Variants in TGS1 observed in about 807,000 individuals in gnomAD.
The protein encoded by TGS1 is trimethylguanosine synthase 1.
Under a neutral mutation model 92.2 loss-of-function variants are expected in TGS1, and 69 were observed. That is an observed-to-expected ratio of 0.75 (90% confidence interval 0.62 to 0.91). The LOEUF (loss-of-function observed/expected upper bound fraction) is 0.91. TGS1 is among the 40% of genes least tolerant of loss of function. The pLI is 0.00. For synonymous variants in TGS1, 345 were observed against 338.1 expected, an observed-to-expected ratio of 1.02 and a Z score of -0.22; for missense variants, 1,062 against 1,001.2, an observed-to-expected ratio of 1.06 and a Z score of -0.82.
intron 4 of TGS1, among the ~76,000 whole-genome samples, chr8:55,789,857 G>A (rs1476689832): frequency 6.6e-6 from 1 of 152,180 alleles, no homozygotes; most frequent in African/African-American, 2.4e-5. Flanking sequence ...CCAAAACTGT[G>A]CTTGATACAA....
Position 55,789,061 on chromosome 8 carries a change from T to G in TGS1, c.1163-1121T>G, listed in dbSNP as rs191092264. On this transcript the variant is annotated intron_variant, in intron 4 of 12. Coordinates refer to ENST00000260129, the MANE Select transcript of TGS1 (RefSeq NM_024831.8). ...TCTGCCATCAGGATGAATTTGAGGG[T>G]TTTAGATTTTGATTTGTTTTAGATC... Among the ~76,000 whole-genome samples the G allele has an allele frequency of 1.8e-3, 280 of 152,286 alleles. 1 individual carries two copies. The highest frequency in any genetic ancestry group is 6.8e-3 in the Middle Eastern group (2 of 294).
At chr8:55,822,560 TTC>T (rs1563473742) in intron 12 of TGS1, among the ~76,000 whole-genome samples, 1 of 140,634 alleles carries the variant, frequency 7.1e-6, no homozygotes, top group African/African-American at 2.8e-5. Context: ...TTTTTTTTTT[TTC>T]CCCCTTTCTT....
At chr8:55,814,812 T>C (rs1221173281) in intron 12 of TGS1, among the ~76,000 whole-genome samples, 1 of 149,054 alleles carries the variant, frequency 6.7e-6, no homozygotes, top group Non-Finnish European at 1.5e-5. Flanking sequence ...CACTCCAGCC[T>C]GGGTGACAGA....
chr8:55,797,481 T>C (rs1812092590), intron 7 of TGS1, among the ~76,000 whole-genome samples: 1 of 152,222 alleles, frequency 6.6e-6, no homozygotes, highest in Admixed American at 6.5e-5. Context: ...TACAGCTTTA[T>C]ATTATAAGCT....
In TGS1 at chr8:55,807,874, T is replaced by G. The variant is rs77275937; in HGVS notation, c.2143+2838T>G. 5.0e-3 allele frequency among the ~76,000 whole-genome samples: 765 copies of G among 152,320 alleles called. 15 individuals are homozygous for G. The East Asian group carries it at 0.079, about 16-fold the overall frequency. Reference sequence around the variant, plus strand: ...AGTTTTCATTCTGAAGATGCATATTTTTAAATATCTTCATATTATACCTAT... The same window carrying G: ...AGTTTTCATTCTGAAGATGCATATTGTTAAATATCTTCATATTATACCTAT... On this transcript the variant is annotated intron_variant, in intron 10 of 12. Coordinates refer to ENST00000260129, the MANE Select transcript of TGS1 (RefSeq NM_024831.8).
At chr8:55,793,602 CTG>C (rs1443773095) in intron 6 of TGS1, among the ~76,000 whole-genome samples, 2 of 152,116 alleles carry the variant, frequency 1.3e-5, no homozygotes, top group African/African-American at 4.8e-5. Flanking sequence ...GAGTCTCACT[CTG>C]TCACCCAGGT....
At chr8:55,802,387 T>C in intron 8 of TGS1, 70 bp from the exon 9 acceptor site, 1 of 1,306,912 alleles carries the variant, frequency 7.7e-7, no homozygotes, top group South Asian at 1.3e-5. Context: ...GGCTTCATTT[T>C]TAGATAAACT....
At position 55,802,466 on chromosome 8, in the gene TGS1, AAAAG is replaced by A; in HGVS notation, c.1862_1865del (p.Lys621ArgfsTer10). The A allele has an allele frequency of 6.2e-7, 1 of 1,613,420 alleles. No individual in the cohort carries two copies. The highest frequency in any genetic ancestry group is 1.1e-5 in the South Asian group (1 of 90,894). ...TTGTATTTTATTTTAGCTGAAGTGA[AAAAG>A]AAGAAGAACAAGAAGAAGAACAAAA... On this transcript the variant is annotated frameshift_variant, in exon 9 of 13. Coordinates refer to ENST00000260129, the MANE Select transcript of TGS1 (RefSeq NM_024831.8). LOFTEE classifies it high-confidence loss of function.
intron 9 of TGS1, among the ~76,000 whole-genome samples, chr8:55,804,234 A>T (rs758916700): frequency 2.0e-5 from 3 of 152,194 alleles, no homozygotes; most frequent in Non-Finnish European, 4.4e-5. Flanking sequence ...TGAGGCCAGG[A>T]GTTCAAGACC....
chr8:55,779,439 A>T (rs1811494215), intron 1 of TGS1, among the ~76,000 whole-genome samples: 2 of 152,176 alleles, frequency 1.3e-5, no homozygotes, highest in South Asian at 4.1e-4. Context: ...CTTTCTCAGG[A>T]CCTGACCTGT....
In TGS1 at chr8:55,799,316, C is replaced by A. The variant is rs1305156221; in HGVS notation, c.1849+96C>A. ...AGTTTTCACTTGTGAATCTTCTGTA[C>A]CTAAGGAGTCACTGCTACTTATTTT... On this transcript the variant is annotated intron_variant, in intron 8 of 12. Transcript: ENST00000260129. The A allele has an allele frequency of 1.0e-5, 12 of 1,157,856 alleles. No individual in the cohort carries two copies. The South Asian group carries it at 1.5e-4, about 14-fold the overall frequency. The allele number at this position is 1,157,856 out of a possible 1,614,324, so 71.7% of individuals were successfully genotyped here.
Position 55,813,984 on chromosome 8 carries a change from A to G in TGS1, c.2439+866A>G, listed in dbSNP as rs147643529. ...TTTTCTTTTGAGACCATATCGCTCTATCACCCAGGCTGGAGTGCAATGGCC... is the reference window on the plus strand; with the variant it reads ...TTTTCTTTTGAGACCATATCGCTCTGTCACCCAGGCTGGAGTGCAATGGCC... On this transcript the variant is annotated intron_variant, in intron 12 of 12. Coordinates refer to ENST00000260129, the MANE Select transcript of TGS1 (RefSeq NM_024831.8). Among the ~76,000 whole-genome samples, 99 of 152,184 alleles carry G rather than the reference A, an allele frequency of 6.5e-4. 1 individual carries two copies. The highest frequency in any genetic ancestry group is 3.7e-3 in the East Asian group (19 of 5,182).
rs995671300 is a variant in TGS1, at chr8:55,826,130, G to A, written c.*1427G>A. On this transcript the variant is annotated 3_prime_UTR_variant, in exon 13 of 13. Coordinates refer to ENST00000260129, the MANE Select transcript of TGS1 (RefSeq NM_024831.8). Reference sequence around the variant, plus strand: ...CTCCCGTAGTTCTGGGATTACAGGCGTGAGCCACCGCGCCTGGCTTTATGT... The same window carrying A: ...CTCCCGTAGTTCTGGGATTACAGGCATGAGCCACCGCGCCTGGCTTTATGT... Among the ~76,000 whole-genome samples the A allele has an allele frequency of 1.4e-4, 22 of 152,236 alleles. No homozygotes were observed. Among genetic ancestry groups the A allele is most frequent in the African/African-American group, 3.9e-4 (16 of 41,532 alleles).
At chr8:55,796,745 C>T (rs564311117) in intron 7 of TGS1, among the ~76,000 whole-genome samples, 27 of 151,418 alleles carry the variant, frequency 1.8e-4, no homozygotes, top group East Asian at 1.2e-3. Flanking sequence ...AATCCCAGCA[C>T]TTAGGGAGGC....
intron 1 of TGS1, among the ~76,000 whole-genome samples, chr8:55,778,364 G>A (rs755998903): frequency 1.3e-5 from 2 of 152,164 alleles, no homozygotes; most frequent in African/African-American, 2.4e-5. Flanking sequence ...CTACCAGTTG[G>A]CATAGAACAT....
Position 55,785,862 on chromosome 8 carries a change from G to A in TGS1, c.310G>A (p.Gly104Ser). Residue 104 changes from glycine to serine, a missense_variant, in exon 3 of 13, where the codon GGT (glycine) becomes AGT (serine). By Grantham distance (56) the Gly-to-Ser change is moderately conservative. Transcript: ENST00000260129. Reference protein sequence around the residue: ...MRSMGLPLQFGRITAHKDFEV... With the variant: ...MRSMGLPLQFSRITAHKDFEV... ...AAGTATGGGATTGCCACTTCAATTT[G>A]GTAGGATAACTGCACATAAGGATTT... 6.2e-7 allele frequency: 1 copy of A among 1,610,496 alleles called. No homozygotes were observed. Among genetic ancestry groups the A allele is most frequent in the Non-Finnish European group, 8.5e-7 (1 of 1,178,674 alleles).
At chr8:55,803,836 C>G (rs543465555) in intron 9 of TGS1, among the ~76,000 whole-genome samples, 1 of 151,956 alleles carries the variant, frequency 6.6e-6, no homozygotes, top group Admixed American at 6.6e-5. Flanking sequence ...GGATTACAAG[C>G]AAGCACTACC....
chr8:55,789,682 A>C (rs1200554682), intron 4 of TGS1, among the ~76,000 whole-genome samples: 1 of 152,214 alleles, frequency 6.6e-6, no homozygotes, highest in Non-Finnish European at 1.5e-5. Flanking sequence ...GTTCAGAGCA[A>C]CTCCAGGGCT....
intron 6 of TGS1, among the ~76,000 whole-genome samples, chr8:55,793,147 C>T (rs1585768376): frequency 1.3e-5 from 2 of 152,154 alleles, no homozygotes; most frequent in East Asian, 3.9e-4. Context: ...AGCAAACATG[C>T]CATGAAACGT....
Sources: allele counts gnomAD v4.1 joint callset (sites outside exome capture counted in the v4.1 genomes callset), GRCh38; gene constraint gnomAD v4.1.1; transcripts MANE v1.5; gene names NCBI Gene and HGNC (gene_info 2026-07-23, HGNC 2026-07-21).